PCDH9: variants seen among roughly 807,000 people sequenced by gnomAD.
PCDH9 encodes the protein protocadherin 9.
PCDH9 carries 24 observed loss-of-function variants against 70.6 expected under a neutral mutation model. That is an observed-to-expected ratio of 0.34 (90% CI 0.25 to 0.48). The LOEUF is 0.48. PCDH9 is among the 20% of genes least tolerant of loss of function. The pLI, the probability that PCDH9 is intolerant of heterozygous loss-of-function variation, is 0.99. For synonymous variants in PCDH9, 562 were observed against 558.5 expected (o/e 1.01, Z -0.09); for missense variants, 1,281 against 1,503.6 (o/e 0.85, Z 2.45).
intron 2 of PCDH9, among the ~76,000 whole-genome samples, chr13:66,947,492 T>A (rs1230112455): frequency 6.6e-6 from 1 of 152,052 alleles, no homozygotes; most frequent in African/African-American, 2.4e-5. Context: ...CAGAAAACTA[T>A]TGTCTGGAAA....
chr13:67,145,626 A>G (rs1740149586), intron 2 of PCDH9, among the ~76,000 whole-genome samples: 1 of 152,026 alleles, frequency 6.6e-6, no homozygotes, highest in African/African-American at 2.4e-5. Context: ...TTGAAGTTTC[A>G]GCCATATATT....
At chr13:66,642,158 G>A (rs2077717133) in intron 3 of PCDH9, among the ~76,000 whole-genome samples, 1 of 152,040 alleles carries the variant, frequency 6.6e-6, no homozygotes, top group Non-Finnish European at 1.5e-5. Flanking sequence ...CATGCTATAT[G>A]TGTCTTAAAA....
intron 2 of PCDH9, among the ~76,000 whole-genome samples, chr13:67,165,656 A>G (rs1197488029): frequency 2.0e-5 from 3 of 152,100 alleles, no homozygotes; most frequent in Non-Finnish European, 4.4e-5. Context: ...ATTCTAATTT[A>G]TATTGCTAAC....
chr13:66,353,672 C>A (rs1350045942), intron 4 of PCDH9, among the ~76,000 whole-genome samples: 1 of 152,034 alleles, frequency 6.6e-6, no homozygotes, highest in African/African-American at 2.4e-5. Context: ...ACACTCATTT[C>A]AACTTTTCTA....
intron 2 of PCDH9, among the ~76,000 whole-genome samples, chr13:67,041,842 A>AG (rs1566382935): frequency 6.6e-6 from 1 of 151,790 alleles, no homozygotes; most frequent in Non-Finnish European, 1.5e-5. Flanking sequence ...AAAAAAAAAA[A>AG]AAAAAGAAAA....
intron 2 of PCDH9, among the ~76,000 whole-genome samples, chr13:67,008,465 T>C (rs1355389653): frequency 6.6e-6 from 1 of 152,182 alleles, no homozygotes; most frequent in Non-Finnish European, 1.5e-5. Flanking sequence ...GCTGACTCTA[T>C]ATTTTCAGTC....
chr13:66,643,120 A>G (rs1286145846), intron 3 of PCDH9, among the ~76,000 whole-genome samples: 3 of 152,086 alleles, frequency 2.0e-5, no homozygotes, highest in Non-Finnish European at 4.4e-5. Flanking sequence ...TGGAAATAAT[A>G]TCAAGATATT....
At chr13:67,100,862 G>T (rs1474449671) in intron 2 of PCDH9, among the ~76,000 whole-genome samples, 2 of 152,170 alleles carry the variant, frequency 1.3e-5, no homozygotes, top group East Asian at 3.9e-4. Context: ...ATGGAAAGGG[G>T]CCTCTAAAGA....
intron 2 of PCDH9, among the ~76,000 whole-genome samples, chr13:67,150,787 G>A (rs1456636634): frequency 6.6e-6 from 1 of 152,202 alleles, no homozygotes; most frequent in Non-Finnish European, 1.5e-5. Flanking sequence ...TGTTAGTGGT[G>A]TTCCCTAATC....
At chr13:66,587,172 AC>A (rs2076974270) in intron 4 of PCDH9, among the ~76,000 whole-genome samples, 4 of 150,928 alleles carry the variant, frequency 2.7e-5, no homozygotes, top group Admixed American at 2.6e-4. Flanking sequence ...GTGGCAAAAA[AC>A]TCTAGTCCCA....
At chr13:66,395,801 T>A (rs1957092989) in intron 4 of PCDH9, among the ~76,000 whole-genome samples, 1 of 152,064 alleles carries the variant, frequency 6.6e-6, no homozygotes. Flanking sequence ...CATTTGTGCA[T>A]TCAAAACTGC....
intron 4 of PCDH9, among the ~76,000 whole-genome samples, chr13:66,355,121 C>G (rs1956359254): frequency 6.6e-6 from 1 of 152,056 alleles, no homozygotes; most frequent in South Asian, 2.1e-4. Context: ...AGCATACTTA[C>G]AGAGATGCCA....
chr13:67,107,761 C>T (rs1216625381), intron 2 of PCDH9, among the ~76,000 whole-genome samples: 4 of 152,170 alleles, frequency 2.6e-5, no homozygotes, highest in African/African-American at 9.6e-5. Context: ...AGCTGTAATA[C>T]AAACAGGGCT....
chr13:66,942,059 T>C (rs546667697), intron 2 of PCDH9, among the ~76,000 whole-genome samples: 5 of 151,884 alleles, frequency 3.3e-5, no homozygotes, highest in Non-Finnish European at 7.4e-5. Context: ...TACACTTCAA[T>C]ATAACCCATG....
chr13:66,689,406 TCTCA>T (rs1160606230), intron 3 of PCDH9, among the ~76,000 whole-genome samples: 4 of 152,114 alleles, frequency 2.6e-5, no homozygotes, highest in African/African-American at 9.7e-5. Flanking sequence ...ACGGAACTGT[TCTCA>T]CTCACATCAC....
intron 3 of PCDH9, among the ~76,000 whole-genome samples, chr13:66,794,282 A>C (rs1216477954): frequency 1.3e-5 from 2 of 152,254 alleles, no homozygotes; most frequent in South Asian, 2.1e-4. Context: ...GAAGGAAAGA[A>C]GGAAAGAGAG....
chr13:67,153,461 T>C (rs1474821685), intron 2 of PCDH9, among the ~76,000 whole-genome samples: 1 of 152,138 alleles, frequency 6.6e-6, no homozygotes, highest in East Asian at 1.9e-4. Flanking sequence ...TGGCCACCAC[T>C]CCCAGCCCAC....
intron 4 of PCDH9, among the ~76,000 whole-genome samples, chr13:66,378,014 G>A (rs575341912): frequency 6.6e-6 from 1 of 152,178 alleles, no homozygotes; most frequent in South Asian, 2.1e-4. Context: ...TCTGTTAATT[G>A]GTGTAATAGA....
chr13:66,552,620 A>G (rs1961534873), intron 4 of PCDH9, among the ~76,000 whole-genome samples: 1 of 152,200 alleles, frequency 6.6e-6, no homozygotes, highest in Admixed American at 6.5e-5. Flanking sequence ...AACCTACCAC[A>G]TGCCAAGAAC....
Sources: gnomAD v4.1 joint callset for allele counts (sites outside exome capture counted in the v4.1 genomes callset) on GRCh38, gnomAD v4.1.1 for gene constraint, MANE v1.5 for transcripts, NCBI Gene and HGNC (gene_info 2026-07-23, HGNC 2026-07-21) for gene names.